Variants in CEP192 observed in about 807,000 individuals in gnomAD.
CEP192 encodes centrosomal protein of 192 kDa.
A neutral mutation model predicts 271.8 loss-of-function variants in CEP192; 151 were observed. The ratio of observed to expected loss-of-function variants is 0.56; its 90% confidence interval spans 0.49 to 0.64. The LOEUF (loss-of-function observed/expected upper bound fraction) is 0.64. CEP192 is among the 30% of genes least tolerant of loss of function. The probability of loss-of-function intolerance (pLI) is 0.00; values close to 1 mark genes in which losing one functional copy is unlikely to be tolerated. For synonymous variants in CEP192, 995 were observed against 1,076.5 expected (o/e 0.92, Z 1.48); for missense variants, 2,910 against 3,020.5 (o/e 0.96, Z 0.86).
At chr18:13,039,172 A>G (rs1295986816) in intron 13 of CEP192, among the ~76,000 whole-genome samples, 1 of 152,114 alleles carries the variant, frequency 6.6e-6, no homozygotes, top group East Asian at 1.9e-4. Flanking sequence ...AGGAGGCAGC[A>G]GGGCCAGCGC....
At chr18:13,102,005 C>G (rs116393813) in intron 38 of CEP192, among the ~76,000 whole-genome samples, 2 of 152,154 alleles carry the variant, frequency 1.3e-5, no homozygotes. Context: ...AGCCTAGCTC[C>G]TCCTGCCTCC....
chr18:13,088,157 T>G (rs76018447), intron 32 of CEP192, among the ~76,000 whole-genome samples: 3,414 of 152,336 alleles, frequency 0.022, 66 homozygotes, highest in Non-Finnish European at 0.033. Flanking sequence ...AAATCTGATA[T>G]ATCTAATTTA....
At chr18:13,003,898 G>A (rs1368311710) in intron 3 of CEP192, among the ~76,000 whole-genome samples, 1 of 152,208 alleles carries the variant, frequency 6.6e-6, no homozygotes, top group Non-Finnish European at 1.5e-5. Context: ...GCAGATGGAA[G>A]AGAGCGAACA....
At chr18:13,032,943 AT>A (rs1281581030) in intron 11 of CEP192, among the ~76,000 whole-genome samples, 2 of 152,354 alleles carry the variant, frequency 1.3e-5, no homozygotes, top group East Asian at 3.9e-4. Context: ...CTATAGTTCT[AT>A]TTGTATACAG....
At position 13,073,056 on chromosome 18, in the gene CEP192, G is replaced by A. The variant is rs369192957; in HGVS notation, c.5487G>A (p.Glu1829=). ...AACAGCGATTGACCAGTAACTGTGA[G>A]ATCAGAATTCACCCAAAGGAAGACA... is the stretch of plus-strand genomic sequence containing the variant. ...GSEQRLTSNC[E]IRIHPKEDIF... is the part of the protein sequence containing the mutation. Residue 1829 remains glutamate, a synonymous_variant, in exon 30 of 45, where the codon GAG becomes GAA. Transcript: ENST00000506447. 3 of 1,613,204 alleles carry A rather than the reference G, an allele frequency of 1.9e-6. No homozygotes were observed. In the African/African-American group the frequency reaches 4.0e-5, roughly 22 times the overall value.
chr18:13,006,901 G>A (rs1312148822), intron 3 of CEP192, among the ~76,000 whole-genome samples: 2 of 152,084 alleles, frequency 1.3e-5, no homozygotes. Context: ...TTCCCTCCCC[G>A]TTGTCAGGTG....
chr18:13,087,843 G>A (rs2038967735), intron 32 of CEP192, among the ~76,000 whole-genome samples, 197 bp downstream of exon 32: 1 of 152,196 alleles, frequency 6.6e-6, no homozygotes, highest in Admixed American at 6.5e-5. Flanking sequence ...TTCATCTCCT[G>A]TATTTCCTTA....
chr18:13,110,525 C>G (rs1186071619), intron 40 of CEP192, among the ~76,000 whole-genome samples: 3 of 151,730 alleles, frequency 2.0e-5, no homozygotes, highest in East Asian at 1.9e-4. Context: ...TAGCCACATG[C>G]AAAAGAATTA....
intron 36 of CEP192, among the ~76,000 whole-genome samples, chr18:13,099,080 T>C (rs2039574648): frequency 6.7e-6 from 1 of 149,516 alleles, no homozygotes; most frequent in Admixed American, 6.8e-5. Flanking sequence ...CTCGGCAGGC[T>C]GAGGCAGGAG....
At chr18:13,053,730 C>T (rs751717383) in intron 18 of CEP192, among the ~76,000 whole-genome samples, 1 of 152,138 alleles carries the variant, frequency 6.6e-6, no homozygotes, top group Non-Finnish European at 1.5e-5. Context: ...CGCTCTGTCA[C>T]CCAGGCTGGA....
intron 11 of CEP192, 32 bp from the exon 12 acceptor site, chr18:13,037,205 G>A: frequency 2.3e-6 from 2 of 882,930 alleles, no homozygotes; most frequent in Non-Finnish European, 3.7e-6. Flanking sequence ...AGGCATTAGT[G>A]TAATGTATTT....
chr18:13,109,196 T>G (rs1568432097), intron 40 of CEP192, among the ~76,000 whole-genome samples: 1 of 152,208 alleles, frequency 6.6e-6, no homozygotes, highest in Non-Finnish European at 1.5e-5. Context: ...GGTACATGTA[T>G]ATCATGGAAT....
chr18:13,091,458 C>A (rs1438985661), intron 33 of CEP192, among the ~76,000 whole-genome samples: 2 of 76,296 alleles, frequency 2.6e-5, no homozygotes, highest in Non-Finnish European at 4.7e-5. Flanking sequence ...TTGGTTGGTA[C>A]CATAGATCAC....
At position 13,073,056 on chromosome 18, in the gene CEP192, G is replaced by C. The variant is rs369192957; in HGVS notation, c.5487G>C (p.Glu1829Asp). ...GSEQRLTSNC[E>D]IRIHPKEDIF... The stretch of plus-strand genomic sequence containing the variant: ...AACAGCGATTGACCAGTAACTGTGA[G>C]ATCAGAATTCACCCAAAGGAAGACA... Residue 1829 changes from glutamate (E) to aspartate (D), a missense_variant, in exon 30 of 45, where the codon GAG (glutamate) becomes GAC (aspartate). Physicochemically the swap from Glu to Asp is conservative, Grantham distance 45. Coordinates refer to ENST00000506447, the MANE Select transcript of CEP192 (RefSeq NM_032142.4). The C allele has an allele frequency of 1.2e-6, 2 of 1,613,204 alleles. No homozygotes were observed. Among genetic ancestry groups the C allele is most frequent in the African/African-American group, 2.7e-5 (2 of 74,908 alleles).
Position 13,010,993 on chromosome 18 carries a change from G to A in CEP192, c.467-1980G>A, listed in dbSNP as rs540947185. Among the ~76,000 whole-genome samples, 5 of 152,188 alleles carry A rather than the reference G, an allele frequency of 3.3e-5. No homozygotes were observed. In the South Asian group the frequency reaches 8.3e-4, roughly 25 times the overall value. On this transcript the variant is annotated intron_variant, in intron 4 of 44. Coordinates refer to ENST00000506447, the MANE Select transcript of CEP192 (RefSeq NM_032142.4). Reference sequence around the variant, plus strand: ...TGTAATCCCAGCACTTTGGGAGGCCGAGGTGAGCGGATCATTTGAGGTCAG... The same window carrying A: ...TGTAATCCCAGCACTTTGGGAGGCCAAGGTGAGCGGATCATTTGAGGTCAG...
intron 21 of CEP192, 66 bp from the exon 22 acceptor site, chr18:13,067,765 T>C: frequency 1.5e-6 from 2 of 1,364,516 alleles, no homozygotes; most frequent in East Asian, 2.3e-5. Flanking sequence ...GGCAGTGATA[T>C]GAACATACAT....
Position 13,124,725 on chromosome 18 carries a change from G to C in CEP192, c.7569G>C (p.Lys2523Asn), listed in dbSNP as rs1357719905. 6.2e-7 allele frequency: 1 copy of C among 1,613,790 alleles called. No individual in the cohort carries two copies. Among genetic ancestry groups the C allele is most frequent in the South Asian group, 1.1e-5 (1 of 91,058 alleles). Residue 2523 changes from lysine (K) to asparagine (N), a missense_variant, in exon 45 of 45, where the codon AAG becomes AAC. Lys to Asn is a moderately conservative substitution (Grantham distance 94). Coordinates refer to ENST00000506447, the MANE Select transcript of CEP192 (RefSeq NM_032142.4). ...TTGTCATTCAAACAGATGAAGGCAA[G>C]AGTATTGCTATTCGACTAATTGGTG... The part of the protein sequence containing the change: ...ALLVIQTDEG[K>N]SIAIRLIGEA...
chr18:13,033,308 C>T (rs11873826), intron 11 of CEP192, among the ~76,000 whole-genome samples: 19,329 of 152,110 alleles, frequency 0.13, 1,768 homozygotes, highest in African/African-American at 0.25. Context: ...TAAAAACGAT[C>T]GTTAAATGTA....
At position 13,056,137 on chromosome 18, in the gene CEP192, A is replaced by G. The variant is rs765358571; in HGVS notation, c.3547A>G (p.Thr1183Ala). 12 of 1,613,356 alleles carry G rather than the reference A, an allele frequency of 7.4e-6. No individual in the cohort carries two copies. The South Asian group carries it at 1.1e-4, about 15-fold the overall frequency. The change falls in exon 19 of 45, where the codon ACA (threonine) becomes GCA (alanine). Residue 1183 changes from threonine to alanine, a missense_variant. Transcript: ENST00000506447. ...SGLSCQVGSA[T>A]SHPVSCQEPI... The stretch of plus-strand genomic sequence containing the variant: ...TCTGAGCTGTCAGGTGGGGTCAGCC[A>G]CATCACACCCTGTGTCCTGCCAGGA...
Sources: gnomAD v4.1 joint callset for allele counts (sites outside exome capture counted in the v4.1 genomes callset) on GRCh38, gnomAD v4.1.1 for gene constraint, MANE v1.5 for transcripts, NCBI Gene and HGNC (gene_info 2026-07-23, HGNC 2026-07-21) for gene names.